HHIPL2: variants seen among roughly 807,000 people sequenced by gnomAD.
HHIPL2 encodes the protein HHIP like 2.
In HHIPL2, 61 loss-of-function variants were observed where a neutral mutation model predicts 61.0. The ratio of observed to expected loss-of-function variants is 1.00; its 90% confidence interval spans 0.81 to 1.24. HHIPL2 has a LOEUF of 1.24. HHIPL2 is among the 50% of genes most tolerant of loss of function. The pLI is 0.00. For synonymous variants in HHIPL2, 343 were observed against 357.4 expected (o/e 0.96, Z 0.45); for missense variants, 885 against 910.2 (o/e 0.97, Z 0.36).
intron 5 of HHIPL2, 68 bp downstream of exon 5, chr1:222,538,580 A>T: frequency 7.2e-7 from 1 of 1,394,072 alleles, no homozygotes; most frequent in Admixed American, 1.8e-5. Flanking sequence ...ATTTCACCAT[A>T]TGTAAGTTAT....
At chr1:222,534,446 G>A (rs1019243566) in intron 5 of HHIPL2, among the ~76,000 whole-genome samples, 15 of 151,986 alleles carry the variant, frequency 9.9e-5, no homozygotes, top group East Asian at 5.8e-4. Flanking sequence ...GCGTGGTGGC[G>A]GATGCCTGTA....
intron 1 of HHIPL2, among the ~76,000 whole-genome samples, chr1:222,547,158 G>C (rs1258142109): frequency 1.3e-5 from 2 of 152,228 alleles, no homozygotes; most frequent in African/African-American, 4.8e-5. Flanking sequence ...AACTCTGTGA[G>C]TCACTGCTAC....
chr1:222,526,551 C>G (rs926571302), intron 7 of HHIPL2, among the ~76,000 whole-genome samples: 1 of 151,714 alleles, frequency 6.6e-6, no homozygotes, highest in African/African-American at 2.4e-5. Flanking sequence ...ACTAAAAATA[C>G]AAAATTAGCT....
chr1:222,539,721 T>C (rs868151968), intron 4 of HHIPL2, among the ~76,000 whole-genome samples: 2 of 152,130 alleles, frequency 1.3e-5, no homozygotes, highest in Non-Finnish European at 2.9e-5. Context: ...GTAACTTATT[T>C]AAAATACAGA....
In HHIPL2 at chr1:222,547,743, A is replaced by G; in HGVS notation, c.302T>C (p.Ile101Thr). ...LKRHELCGDY[I>T]KDILCQECSP... ...CACTACCTGGCAAAGGATGTCTTTA[A>G]TGTAATCTCCACACAGCTCATGTCT... Residue 101 changes from isoleucine (I) to threonine (T), a missense_variant, in exon 1 of 9, where the codon ATT becomes ACT. Physicochemically the swap from Ile to Thr is moderately conservative, Grantham distance 89. Coordinates refer to ENST00000343410, the MANE Select transcript of HHIPL2 (RefSeq NM_024746.4). 6.2e-7 allele frequency: 1 copy of G among 1,613,378 alleles called. No individual in the cohort carries two copies. The highest frequency in any genetic ancestry group is 1.1e-5 in the South Asian group (1 of 91,066).
At chr1:222,538,194 G>GT (rs1659341893) in intron 5 of HHIPL2, among the ~76,000 whole-genome samples, 3 of 134,176 alleles carry the variant, frequency 2.2e-5, no homozygotes, top group Non-Finnish European at 4.7e-5. Context: ...TCTCTGGCTG[G>GT]GGTGTGTGTG....
intron 7 of HHIPL2, among the ~76,000 whole-genome samples, chr1:222,526,408 T>TAAA (rs533756995): frequency 7.7e-6 from 1 of 130,594 alleles, no homozygotes; most frequent in African/African-American, 2.8e-5. Flanking sequence ...AGAAGCATAT[T>TAAA]AAAAAAAAAA....
chr1:222,529,221 T>C (rs1411135174), intron 6 of HHIPL2, among the ~76,000 whole-genome samples: 1 of 152,218 alleles, frequency 6.6e-6, no homozygotes, highest in African/African-American at 2.4e-5. Flanking sequence ...GGGTAGCAGC[T>C]GCCTAACAAA....
At chr1:222,537,319 GGTGTGATGTTACT>G (rs1659320645) in intron 5 of HHIPL2, among the ~76,000 whole-genome samples, 1 of 151,016 alleles carries the variant, frequency 6.6e-6, no homozygotes, top group African/African-American at 2.4e-5. Context: ...ACATCATATT[GGTGTGATGTTACT>G]GTGTAACATC....
At position 222,543,768 on chromosome 1, in the gene HHIPL2, C is replaced by T; in HGVS notation, c.743G>A (p.Gly248Glu). The change falls in exon 2 of 9, where the codon GGG becomes GAG. Residue 248 changes from glycine (G) to glutamate (E), a missense_variant. Physicochemically the swap from Gly to Glu is moderately conservative, Grantham distance 98. Coordinates refer to ENST00000343410, the MANE Select transcript of HHIPL2 (RefSeq NM_024746.4). ...VGVVWVYLPDGSRLEQPFLDL... is the reference protein window; with the variant it reads ...VGVVWVYLPDESRLEQPFLDL... ...CAGGAAGGGTTGCTCCAGGCGACTCCCATCAGGGAGGTAGACCCACACCAC... is the reference window on the plus strand; with the variant it reads ...CAGGAAGGGTTGCTCCAGGCGACTCTCATCAGGGAGGTAGACCCACACCAC... The T allele has an allele frequency of 6.2e-7, 1 of 1,614,100 alleles. No homozygotes were observed. The highest frequency in any genetic ancestry group is 8.5e-7 in the Non-Finnish European group (1 of 1,180,012).
At chr1:222,535,251 G>A (rs1227722708) in intron 5 of HHIPL2, among the ~76,000 whole-genome samples, 2 of 151,938 alleles carry the variant, frequency 1.3e-5, no homozygotes, top group Admixed American at 1.3e-4. Flanking sequence ...CAAAAATGAA[G>A]GCAAAATAAA....
At chr1:222,537,829 A>G (rs1659334336) in intron 5 of HHIPL2, among the ~76,000 whole-genome samples, 1 of 152,196 alleles carries the variant, frequency 6.6e-6, no homozygotes, top group Non-Finnish European at 1.5e-5. Flanking sequence ...GGAATTTAAC[A>G]AAATAACATT....
intron 6 of HHIPL2, among the ~76,000 whole-genome samples, chr1:222,527,737 G>T (rs1423836030): frequency 6.6e-6 from 1 of 152,146 alleles, no homozygotes; most frequent in Admixed American, 6.6e-5. Flanking sequence ...AATCATGGGG[G>T]CAGCTTCCCC....
intron 5 of HHIPL2, among the ~76,000 whole-genome samples, chr1:222,532,615 C>CAAA (rs34544375): frequency 0.013 from 1,758 of 137,714 alleles, 38 homozygotes; most frequent in African/African-American, 0.042. Context: ...GACTTTGTCT[C>CAAA]AAAAAAAAAA....
In HHIPL2 at chr1:222,533,364, C is replaced by A. The variant is rs1454416470; in HGVS notation, c.1578-1253G>T. On this transcript the variant is annotated intron_variant, in intron 5 of 8. Transcript: ENST00000343410. ...TGGGTGACAGAGGGAGACTCTGTCTCAAAAAAAAAAAAGAAAAAAAGAAAA... is the reference window on the plus strand; with the variant it reads ...TGGGTGACAGAGGGAGACTCTGTCTAAAAAAAAAAAAAGAAAAAAAGAAAA... Among the ~76,000 whole-genome samples, 373 of 127,508 alleles carry A rather than the reference C, an allele frequency of 2.9e-3. 1 individual carries two copies. Among genetic ancestry groups the A allele is most frequent in the Middle Eastern group, 5.3e-3 (1 of 190 alleles). 83.7% of individuals were successfully genotyped at this position (127,508 alleles called of 152,430 possible).
intron 5 of HHIPL2, 131 bp downstream of exon 5, chr1:222,538,517 T>C: frequency 1.2e-6 from 1 of 805,502 alleles, no homozygotes; most frequent in Non-Finnish European, 2.0e-6. Context: ...TTGGTGGTAA[T>C]ATGAGTGCAT....
At position 222,543,979 on chromosome 1, in the gene HHIPL2, C is replaced by A; in HGVS notation, c.532G>T (p.Asp178Tyr). 6.2e-7 allele frequency: 1 copy of A among 1,614,158 alleles called. No individual in the cohort carries two copies. The highest frequency in any genetic ancestry group is 8.5e-7 in the Non-Finnish European group (1 of 1,180,052). ...FCHLLDLPDKDYCFPNVLRND... is the reference protein window; with the variant it reads ...FCHLLDLPDKYYCFPNVLRND... Reference sequence around the variant, plus strand: ...CTCAGGACATTAGGGAAGCAATAGTCCTTGTCAGGAAGGTCCAGGAGGTGG... The same window carrying A: ...CTCAGGACATTAGGGAAGCAATAGTACTTGTCAGGAAGGTCCAGGAGGTGG... The change falls in exon 2 of 9, where the codon GAC (aspartate) becomes TAC (tyrosine). Residue 178 changes from aspartate to tyrosine, a missense_variant. Asp to Tyr is a radical substitution (Grantham distance 160). Coordinates refer to ENST00000343410, the MANE Select transcript of HHIPL2 (RefSeq NM_024746.4).
chr1:222,526,616 T>C (rs1156843935), intron 7 of HHIPL2, among the ~76,000 whole-genome samples: 1 of 146,156 alleles, frequency 6.8e-6, no homozygotes, highest in East Asian at 2.0e-4. Flanking sequence ...GAGGCAGGAA[T>C]ATCGCTTGAA....
intron 6 of HHIPL2, among the ~76,000 whole-genome samples, chr1:222,531,211 G>C (rs4846371): frequency 0.44 from 67,044 of 151,930 alleles, 15,350 homozygotes; most frequent in East Asian, 0.66. Context: ...ACAGACTCTT[G>C]GCAAGGTCAG....
Sources: allele counts gnomAD v4.1 joint callset (sites outside exome capture counted in the v4.1 genomes callset), GRCh38; gene constraint gnomAD v4.1.1; transcripts MANE v1.5; gene names NCBI Gene and HGNC (gene_info 2026-07-23, HGNC 2026-07-21).